The following SCN1A variants were observed in gnomAD, a reference collection of about 807,000 sequenced individuals.
The protein encoded by SCN1A is sodium voltage-gated channel alpha subunit 1, also known as sodium channel protein type 1 subunit alpha.
Under a neutral mutation model 193.7 loss-of-function variants are expected in SCN1A, and 13 were observed. That is an observed-to-expected ratio of 0.07 (90% CI 0.04 to 0.11). The LOEUF is 0.11. Ranked by LOEUF, SCN1A falls within the 10% of genes least tolerant of loss-of-function variation. The pLI, the probability that SCN1A is intolerant of heterozygous loss-of-function variation, is 1.00. For missense variants in SCN1A, 1,432 were observed against 2,451.1 expected (o/e 0.58, Z 8.78); for synonymous variants, 781 against 843.6 (o/e 0.93, Z 1.29).
chr2:166,031,594 T>C (rs767474402), intron 19 of SCN1A, among the ~76,000 whole-genome samples: 1 of 152,010 alleles, frequency 6.6e-6, no homozygotes. Context: ...TATAAAACAA[T>C]TTATTACAGA....
In SCN1A at chr2:166,038,127, T is replaced by G; in HGVS notation, c.2595A>C (p.Arg865=). 6.2e-7 allele frequency: 1 copy of G among 1,608,800 alleles called. No individual in the cohort carries two copies. Among genetic ancestry groups the G allele is most frequent in the South Asian group, 1.1e-5 (1 of 90,680 alleles). The part of the protein sequence containing the change: ...LSVLRSFRLL[R]VFKLAKSWPT... ...GCCAAGATTTTGCCAACTTGAAAAC[T>G]CGCAGCTGGAAAATGAAAGATTAAT... is the stretch of plus-strand genomic sequence containing the variant. Residue 865 remains arginine, a synonymous_variant, in exon 18 of 29, where the codon CGA becomes CGC. Transcript: ENST00000674923.
intron 2 of SCN1A, among the ~76,000 whole-genome samples, chr2:166,089,580 G>C (rs1411961487): frequency 1.3e-5 from 2 of 152,028 alleles, no homozygotes; most frequent in Non-Finnish European, 2.9e-5. Context: ...ACTAGGTAGG[G>C]GATGGGGCTG....
chr2:165,992,512 A>T lies in SCN1A; in HGVS notation c.4853-90T>A, dbSNP rs1689398655. 7.2e-7 allele frequency: 1 copy of T among 1,388,022 alleles called. No individual in the cohort carries two copies. Among genetic ancestry groups the T allele is most frequent in the East Asian group, 2.3e-5 (1 of 43,026 alleles). 86.0% of individuals were successfully genotyped at this position (1,388,022 alleles called of 1,614,324 possible). A position where few individuals can be genotyped will look rare whatever the true frequency, so the allele number is the denominator to read the frequency against. Reference sequence around the variant, plus strand: ...CTTCTAAAGCTCCAAGGTAAGGTTCAGAGTCCTGAACCCAGTTATATTAAA... The same window carrying T: ...CTTCTAAAGCTCCAAGGTAAGGTTCTGAGTCCTGAACCCAGTTATATTAAA... On this transcript the variant is annotated intron_variant, in intron 28 of 28. Transcript: ENST00000674923. This position sits in a 1 kb window ranked among gnomAD's most constrained non-coding sequence, Gnocchi z 6.5.
intron 2 of SCN1A, among the ~76,000 whole-genome samples, chr2:166,093,782 G>T (rs1178055693): frequency 6.6e-6 from 1 of 151,932 alleles, no homozygotes; most frequent in Non-Finnish European, 1.5e-5. Flanking sequence ...TAAAACAAAA[G>T]AAAAAAATGG....
At chr2:166,038,387 C>T (rs1045786134) in intron 17 of SCN1A, among the ~76,000 whole-genome samples, 2 of 151,648 alleles carry the variant, frequency 1.3e-5, no homozygotes, top group Non-Finnish European at 2.9e-5. Flanking sequence ...GTCACCCAGG[C>T]GGGAGTGCAG....
At chr2:166,042,238 G>C in intron 15 of SCN1A, 54 bp downstream of exon 15, 1 of 1,552,688 alleles carries the variant, frequency 6.4e-7, no homozygotes, top group Non-Finnish European at 8.9e-7. Context: ...TTTGAAATGA[G>C]ACAATATAAG....
chr2:166,126,671 A>C (rs533202), intron 2 of SCN1A, among the ~76,000 whole-genome samples: 130,231 of 152,198 alleles, frequency 0.86, 55,887 homozygotes, highest in East Asian at 0.98. Context: ...GAAGAAGAAG[A>C]CACATTTTAT....
chr2:166,099,351 G>A (rs1414461560), intron 2 of SCN1A, among the ~76,000 whole-genome samples: 1 of 150,834 alleles, frequency 6.6e-6, no homozygotes, highest in African/African-American at 2.5e-5. Flanking sequence ...AGGTATTGAT[G>A]GGACGTATCT....
At chr2:166,060,567 G>A (rs1292591767) in intron 4 of SCN1A, 1 of 152,084 alleles carries the variant, frequency 6.6e-6, no homozygotes, top group East Asian at 1.9e-4. Flanking sequence ...AAATATTAGG[G>A]GCTCAGATGG....
At chr2:166,073,247 A>G (rs1023468546) in intron 4 of SCN1A, 111 bp downstream of exon 4, 4 of 1,302,184 alleles carry the variant, frequency 3.1e-6, no homozygotes, top group Non-Finnish European at 4.3e-6. Context: ...CATTTCTTAA[A>G]CAGAAGGATA....
chr2:166,083,970 C>T (rs1396804141), intron 2 of SCN1A, among the ~76,000 whole-genome samples: 1 of 152,226 alleles, frequency 6.6e-6, no homozygotes, highest in East Asian at 1.9e-4. Flanking sequence ...GTCTAATCCT[C>T]GTGACTGTGA....
At chr2:166,110,343 G>A (rs1002993579) in intron 2 of SCN1A, among the ~76,000 whole-genome samples, 3 of 152,116 alleles carry the variant, frequency 2.0e-5, no homozygotes, top group Admixed American at 6.6e-5. Flanking sequence ...ACAGTTAGCC[G>A]AGTTGTGAAT....
At chr2:166,105,798 G>A (rs565317348) in intron 2 of SCN1A, among the ~76,000 whole-genome samples, 4 of 152,282 alleles carry the variant, frequency 2.6e-5, no homozygotes, top group Admixed American at 1.3e-4. Context: ...TCAAGAAATT[G>A]TCTTTACCCC....
At position 166,043,928 on chromosome 2, in the gene SCN1A, T is replaced by A; in HGVS notation, c.1784A>T (p.His595Leu). The A allele has an allele frequency of 6.2e-7, 1 of 1,614,166 alleles. No individual in the cohort carries two copies. Among genetic ancestry groups the A allele is most frequent in the Non-Finnish European group, 8.5e-7 (1 of 1,180,028 alleles). Residue 595 changes from histidine to leucine, a missense_variant, in exon 14 of 29, where the codon CAC (histidine) becomes CTC (leucine). His to Leu is a moderately conservative substitution (Grantham distance 99). This residue lies in a region of SCN1A where 316 missense variants were observed against 362.1 expected (regional missense o/e 0.87). Coordinates refer to ENST00000674923, the MANE Select transcript of SCN1A (RefSeq NM_001165963.4). ...GSENDFADDE[H>L]STFEDNESRR... ...GCTCTCGTTATCCTCAAAGGTGCTG[T>A]GCTCATCATCTGCGAAGTCGTTCTC...
chr2:166,003,194 A>T (rs1249986435), intron 23 of SCN1A, among the ~76,000 whole-genome samples: 4 of 151,516 alleles, frequency 2.6e-5, no homozygotes, highest in Non-Finnish European at 5.9e-5. Flanking sequence ...ATATATTTTT[A>T]AAATAACTTA....
intron 19 of SCN1A, among the ~76,000 whole-genome samples, chr2:166,019,672 T>C (rs1693746023): frequency 6.6e-6 from 1 of 152,188 alleles, no homozygotes; most frequent in African/African-American, 2.4e-5. Context: ...TTTGTTTAAC[T>C]ATAAATAAAA....
intron 4 of SCN1A, among the ~76,000 whole-genome samples, chr2:166,071,428 T>A (rs1461205987): frequency 6.6e-6 from 1 of 152,140 alleles, no homozygotes; most frequent in Non-Finnish European, 1.5e-5. Context: ...TGGAAAATGA[T>A]CCATCCCTTC....
At chr2:166,001,606 A>T (rs1385008064) in intron 24 of SCN1A, among the ~76,000 whole-genome samples, 1 of 151,690 alleles carries the variant, frequency 6.6e-6, no homozygotes, top group Non-Finnish European at 1.5e-5. Context: ...GAGTTTTCAA[A>T]TAATCTGGAC....
intron 2 of SCN1A, among the ~76,000 whole-genome samples, chr2:166,103,108 GCAGA>G (rs1027714869): frequency 1.3e-5 from 2 of 151,872 alleles, no homozygotes; most frequent in Admixed American, 6.6e-5. Flanking sequence ...TTCTAGAGGA[GCAGA>G]CAGTCTGTTA....
Sources: allele counts gnomAD v4.1 joint callset (sites outside exome capture counted in the v4.1 genomes callset), GRCh38; gene constraint gnomAD v4.1.1; regional missense constraint gnomAD v4.1.1; non-coding constraint Gnocchi (gnomAD v3.1); transcripts MANE v1.5; gene names NCBI Gene and HGNC (gene_info 2026-07-23, HGNC 2026-07-21).